The following ZNF778 variants were observed in gnomAD, a reference collection of about 807,000 sequenced individuals.
ZNF778 encodes the protein zinc finger protein 778.
A neutral mutation model predicts 23.9 loss-of-function variants in ZNF778; 37 were observed. The observed-to-expected ratio is 1.54, with a 90% CI of 1.19 to 2.03. The LOEUF (loss-of-function observed/expected upper bound fraction) is 2.03. Among genes scored for constraint, ZNF778 ranks in the 30% most tolerant of loss-of-function variants. The pLI is 0.00. For missense variants in ZNF778, 1,297 were observed against 934.4 expected, an observed-to-expected ratio of 1.39 and a Z score of -5.06; for synonymous variants, 483 against 343.9, an observed-to-expected ratio of 1.40 and a Z score of -4.48.
chr16:89,228,331 C>G lies in ZNF778; in HGVS notation c.2043C>G (p.Ala681=), dbSNP rs760056906. 6.2e-7 allele frequency: 1 copy of G among 1,613,670 alleles called. No individual in the cohort carries two copies. The highest frequency in any genetic ancestry group is 1.3e-5 in the African/African-American group (1 of 74,936). Residue 681 remains alanine, a synonymous_variant, in exon 7 of 7, where the codon GCC becomes GCG. Transcript: ENST00000433976. The part of the protein sequence containing the change: ...KPYICNECGK[A]FRASSHLHKH... ...ACATATGTAACGAGTGTGGGAAAGC[C>G]TTCCGTGCCTCCTCTCACCTGCATA...
Position 89,229,190 on chromosome 16 carries a change from T to C in ZNF778, c.*628T>C. On this transcript the variant is annotated 3_prime_UTR_variant, in exon 7 of 7. Coordinates refer to ENST00000433976, the MANE Select transcript of ZNF778 (RefSeq NM_001201407.2). ...TAACAGTAGGCCTTGAGGACTCAGA[T>C]GTGATCCTGTGTGAGCAGTGTAGGC... is the stretch of plus-strand genomic sequence containing the variant. 1.0e-6 allele frequency: 1 copy of C among 985,870 alleles called. No homozygotes were observed. 61.1% of individuals were successfully genotyped at this position (985,870 alleles called of 1,614,324 possible). A position where few individuals can be genotyped will look rare whatever the true frequency, so the allele number is the denominator to read the frequency against.
In ZNF778 at chr16:89,235,426, C is replaced by G. The variant is rs1442418054; in HGVS notation, c.*6864C>G. 6.6e-6 allele frequency: 1 copy of G among 152,168 alleles called. No homozygotes were observed. The highest frequency in any genetic ancestry group is 1.5e-5 in the Non-Finnish European group (1 of 68,044). The allele number at this position is 152,168 out of a possible 1,614,324, so 9.4% of individuals were successfully genotyped here. A position where few individuals can be genotyped will look rare whatever the true frequency, so the allele number is the denominator to read the frequency against. On this transcript the variant is annotated 3_prime_UTR_variant, in exon 7 of 7. Transcript: ENST00000433976. ...TTAGGAGCTGGCCTGTGAGGTTGAC[C>G]ACTCTGTAGGTGGACGAGCCTCGCC...
At position 89,233,617 on chromosome 16, in the gene ZNF778, C is replaced by G. The variant is rs1215601880; in HGVS notation, c.*5055C>G. 7 of 1,135,054 alleles carry G rather than the reference C, an allele frequency of 6.2e-6. 1 individual carries two copies. The South Asian group carries it at 8.4e-5, about 14-fold the overall frequency. The allele number at this position is 1,135,054 out of a possible 1,614,324, so 70.3% of individuals were successfully genotyped here. On this transcript the variant is annotated 3_prime_UTR_variant, in exon 7 of 7. Transcript: ENST00000433976. ...CTCAACTCATACTGCATATGCAACT[C>G]AACTCACACTGTATGCAACTCAGCT...
At chr16:89,222,215 A>G in intron 3 of ZNF778, 32 bp downstream of exon 3, 1 of 1,515,922 alleles carries the variant, frequency 6.6e-7, no homozygotes, top group Non-Finnish European at 9.1e-7. Context: ...TCTTAAAATA[A>G]CATACTGGTA....
In ZNF778 at chr16:89,228,581, G is replaced by C; in HGVS notation, c.*19G>C. 4.5e-6 allele frequency: 7 copies of C among 1,551,786 alleles called. 1 individual carries two copies. The highest frequency in any genetic ancestry group is 2.6e-5 in the South Asian group (2 of 78,282). On this transcript the variant is annotated 3_prime_UTR_variant, in exon 7 of 7. Transcript: ENST00000433976. The stretch of plus-strand genomic sequence containing the variant: ...TTTCTAATGTAAAGAATGTGGGGAA[G>C]CTGTCAGCTACACTCATTCACGTTG...
At position 89,229,954 on chromosome 16, in the gene ZNF778, G is replaced by C. The variant is rs1323966991; in HGVS notation, c.*1392G>C. The C allele has an allele frequency of 1.0e-6, 1 of 982,118 alleles. No homozygotes were observed. The highest frequency in any genetic ancestry group is 1.8e-5 in the African/African-American group (1 of 56,666). 60.8% of individuals were successfully genotyped at this position (982,118 alleles called of 1,614,324 possible). A position where few individuals can be genotyped will look rare whatever the true frequency, so the allele number is the denominator to read the frequency against. On this transcript the variant is annotated 3_prime_UTR_variant, in exon 7 of 7. Transcript: ENST00000433976. Reference sequence around the variant, plus strand: ...AGATGTGATTCTGTGAGCAGTGTAGGCTCTGGTTGGTTAGTCTTGAGGATC... The same window carrying C: ...AGATGTGATTCTGTGAGCAGTGTAGCCTCTGGTTGGTTAGTCTTGAGGATC...
At chr16:89,225,505 C>G (rs1393780723) in intron 5 of ZNF778, 50 bp from the exon 6 acceptor site, 2 of 1,429,936 alleles carry the variant, frequency 1.4e-6, no homozygotes, top group African/African-American at 1.4e-5. Context: ...TATATGAAAA[C>G]AAATACCAAT....
chr16:89,221,446 C>T (rs113207829), intron 2 of ZNF778, among the ~76,000 whole-genome samples: 9 of 152,152 alleles, frequency 5.9e-5, no homozygotes, highest in African/African-American at 1.7e-4. Context: ...TCCTGATGGG[C>T]GGCATAGCTC....
rs188549574 is a variant in ZNF778 at position 89,233,588 on chromosome 16, G to C, written c.*5026G>C. On this transcript the variant is annotated 3_prime_UTR_variant, in exon 7 of 7. Transcript: ENST00000433976. Reference sequence around the variant, plus strand: ...ACTCAGCTCGCACTGCATATGCAACGCAACTCAACTCATACTGCATATGCA... The same window carrying C: ...ACTCAGCTCGCACTGCATATGCAACCCAACTCAACTCATACTGCATATGCA... The C allele has an allele frequency of 3.7e-5, 42 of 1,120,278 alleles. No individual in the cohort carries two copies. The African/African-American group carries it at 6.4e-4, about 17-fold the overall frequency. 69.4% of individuals were successfully genotyped at this position (1,120,278 alleles called of 1,614,324 possible). A position where few individuals can be genotyped will look rare whatever the true frequency, so the allele number is the denominator to read the frequency against.
chr16:89,223,375 A>G (rs948350837), intron 4 of ZNF778, 92 bp downstream of exon 4: 3 of 1,553,506 alleles, frequency 1.9e-6, no homozygotes, highest in African/African-American at 2.8e-5. Context: ...AAAGCCGAGT[A>G]CCACGGGAAG....
intron 1 of ZNF778, chr16:89,218,242 A>C (rs920408772): frequency 1.3e-5 from 2 of 152,228 alleles, no homozygotes; most frequent in Non-Finnish European, 2.9e-5. Context: ...TTTGCTTTAG[A>C]AAATCTGAAT....
intron 1 of ZNF778, among the ~76,000 whole-genome samples, chr16:89,220,047 T>C (rs2030768207): frequency 6.6e-6 from 1 of 152,224 alleles, no homozygotes; most frequent in Non-Finnish European, 1.5e-5. Context: ...CAACATAGTG[T>C]ATGAGTGCAG....
chr16:89,233,739 A>ATGCAACTCAGCTCGCACTGCG lies in ZNF778; in HGVS notation c.*5178_*5179insGCAACTCAGCTCGCACTGCGT, dbSNP rs1567516712. On this transcript the variant is annotated 3_prime_UTR_variant, in exon 7 of 7. Coordinates refer to ENST00000433976, the MANE Select transcript of ZNF778 (RefSeq NM_001201407.2). The stretch of plus-strand genomic sequence containing the variant: ...GCGTATGCAACTCAACTCGCACTGC[A>ATGCAACTCAGCTCGCACTGCG]TATGCAACTCAACTCGCACTGCGTA... 1,228 of 1,089,738 alleles carry ATGCAACTCAGCTCGCACTGCG rather than the reference A, an allele frequency of 1.1e-3. 9 individuals are homozygous for ATGCAACTCAGCTCGCACTGCG. The highest frequency in any genetic ancestry group is 2.0e-3 in the South Asian group (141 of 71,156). 67.5% of individuals were successfully genotyped at this position (1,089,738 alleles called of 1,614,324 possible). A position where few individuals can be genotyped will look rare whatever the true frequency, so the allele number is the denominator to read the frequency against.
rs1237224803 is a variant in ZNF778, at chr16:89,227,357, C to T, written c.1069C>T (p.Gln357Ter). ...TGLSGLSKHV[Q>*]TDPGQKPYEC... ...ACTCTCAGGTCTTTCTAAACACGTC[C>T]AAACAGACCCTGGACAGAAGCCCTA... Residue 357 changes from glutamine (Q) to a stop codon, truncating the protein, a stop_gained, in exon 7 of 7, where the codon CAA becomes TAA. Coordinates refer to ENST00000433976, the MANE Select transcript of ZNF778 (RefSeq NM_001201407.2). LOFTEE classifies it low-confidence loss of function (END_TRUNC). 2.5e-6 allele frequency: 4 copies of T among 1,613,952 alleles called. No homozygotes were observed. The highest frequency in any genetic ancestry group is 3.4e-6 in the Non-Finnish European group (4 of 1,179,858).
rs773063243 is a variant in ZNF778 at position 89,229,652 on chromosome 16, TGAG to T, written c.*1093_*1095del. 1,161 of 980,260 alleles carry T rather than the reference TGAG, an allele frequency of 1.2e-3. 1 individual carries two copies. The highest frequency in any genetic ancestry group is 1.3e-3 in the Non-Finnish European group (1,114 of 829,398). The allele number at this position is 980,260 out of a possible 1,614,324, so 60.7% of individuals were successfully genotyped here. ...AGCGTAGGCTCTGCTTGGTTAGTCT[TGAG>T]GATCCAGATGTGATCCTGCGTGAGC... On this transcript the variant is annotated 3_prime_UTR_variant, in exon 7 of 7. Coordinates refer to ENST00000433976, the MANE Select transcript of ZNF778 (RefSeq NM_001201407.2).
chr16:89,227,160 G>A lies in ZNF778; in HGVS notation c.872G>A (p.Arg291Lys). ...HVCRECGKAF[R>K]YTAYLTGRVQ... ...TGTAGGGAATGTGGGAAGGCCTTTAGGTACACTGCCTACCTTACTGGTCGC... is the reference window on the plus strand; with the variant it reads ...TGTAGGGAATGTGGGAAGGCCTTTAAGTACACTGCCTACCTTACTGGTCGC... The change falls in exon 7 of 7, where the codon AGG becomes AAG. Residue 291 changes from arginine to lysine, a missense_variant. Coordinates refer to ENST00000433976, the MANE Select transcript of ZNF778 (RefSeq NM_001201407.2). 6.2e-7 allele frequency: 1 copy of A among 1,613,936 alleles called. No individual in the cohort carries two copies. The highest frequency in any genetic ancestry group is 8.5e-7 in the Non-Finnish European group (1 of 1,179,886).
In ZNF778 at chr16:89,229,341, A is replaced by G. The variant is rs1567510088; in HGVS notation, c.*779A>G. On this transcript the variant is annotated 3_prime_UTR_variant, in exon 7 of 7. Coordinates refer to ENST00000433976, the MANE Select transcript of ZNF778 (RefSeq NM_001201407.2). The stretch of plus-strand genomic sequence containing the variant: ...AAGCTCTGGTTGGTTAGTCTTCAGG[A>G]TCCAGATGTGATCTTGTGTGAGCAC... 2 of 984,074 alleles carry G rather than the reference A, an allele frequency of 2.0e-6. 1 individual carries two copies. The highest frequency in any genetic ancestry group is 2.3e-4 in the East Asian group (2 of 8,760). 61.0% of individuals were successfully genotyped at this position (984,074 alleles called of 1,614,324 possible). A position where few individuals can be genotyped will look rare whatever the true frequency, so the allele number is the denominator to read the frequency against.
Position 89,233,372 on chromosome 16 carries a change from G to T in ZNF778, c.*4810G>T, listed in dbSNP as rs1417710142. On this transcript the variant is annotated 3_prime_UTR_variant, in exon 7 of 7. Transcript: ENST00000433976. Reference sequence around the variant, plus strand: ...TCGCACTGCGTATGCAACTCGCACTGCGTATGCAACTCAACTCGCACTGCG... The same window carrying T: ...TCGCACTGCGTATGCAACTCGCACTTCGTATGCAACTCAACTCGCACTGCG... 1.2e-6 allele frequency: 1 copy of T among 803,952 alleles called. No homozygotes were observed. Among genetic ancestry groups the T allele is most frequent in the African/African-American group, 1.7e-5 (1 of 57,246 alleles). The allele number at this position is 803,952 out of a possible 1,614,324, so 49.8% of individuals were successfully genotyped here.
At chr16:89,225,474 GT>G (rs1049776828) in intron 5 of ZNF778, 80 bp from the exon 6 acceptor site, 26 of 1,118,120 alleles carry the variant, frequency 2.3e-5, no homozygotes, top group South Asian at 3.0e-5. Flanking sequence ...TCTTTGCTTT[GT>G]TTTTTTTTCT....
Sources: allele counts gnomAD v4.1 joint callset (sites outside exome capture counted in the v4.1 genomes callset), GRCh38; gene constraint gnomAD v4.1.1; transcripts MANE v1.5; gene names NCBI Gene and HGNC (gene_info 2026-07-23, HGNC 2026-07-21).